The following CRTAP variants were observed in gnomAD, a reference collection of about 807,000 sequenced individuals.
CRTAP encodes the protein cartilage associated protein.
In CRTAP, 33 loss-of-function variants were observed where a neutral mutation model predicts 42.7. That is an observed-to-expected ratio of 0.77 (90% confidence interval 0.59 to 1.03). CRTAP has a LOEUF of 1.03. Ranked by LOEUF, CRTAP falls within the 50% of genes least tolerant of loss-of-function variation. The pLI is 0.00. For synonymous variants in CRTAP, 243 were observed against 217.7 expected (o/e 1.12, Z -1.02); for missense variants, 613 against 533.9 (o/e 1.15, Z -1.46).
At position 33,147,442 on chromosome 3, in the gene CRTAP, C is replaced by T. The variant is rs760019010; in HGVS notation, c.*4994C>T. 50 of 152,618 alleles carry T rather than the reference C, an allele frequency of 3.3e-4. No homozygotes were observed. The highest frequency in any genetic ancestry group is 4.7e-4 in the Non-Finnish European group (32 of 68,068). 9.5% of individuals were successfully genotyped at this position (152,618 alleles called of 1,614,324 possible). A position where few individuals can be genotyped will look rare whatever the true frequency, so the allele number is the denominator to read the frequency against. ...TGTCCCCACACAAATAGCTGGCTTT[C>T]GTTGCTTGTTGAATGAATGAGTGAG... On this transcript the variant is annotated 3_prime_UTR_variant, in exon 7 of 7. Transcript: ENST00000320954.
rs571683222 is a variant in CRTAP at position 33,120,403 on chromosome 3, T to G, written c.531T>G (p.Asp177Glu). 1 of 1,614,120 alleles carries G rather than the reference T, an allele frequency of 6.2e-7. No individual in the cohort carries two copies. Among genetic ancestry groups the G allele is most frequent in the South Asian group, 1.1e-5 (1 of 91,078 alleles). Residue 177 changes from aspartate to glutamate, a missense_variant, in exon 2 of 7, where the codon GAT becomes GAG. By Grantham distance (45) the Asp-to-Glu change is conservative. Transcript: ENST00000320954. ...ACACCTTTCTACTGAAGCATCCTGATGACGAAATGATGAAGAGGAACATGG... is the reference window on the plus strand; with the variant it reads ...ACACCTTTCTACTGAAGCATCCTGAGGACGAAATGATGAAGAGGAACATGG... ...AAHTFLLKHP[D>E]DEMMKRNMAY...
intron 4 of CRTAP, among the ~76,000 whole-genome samples, chr3:33,130,536 T>C (rs1243858055): frequency 2.3e-5 from 3 of 131,304 alleles, no homozygotes; most frequent in African/African-American, 8.5e-5. Flanking sequence ...TTTTTTTTTT[T>C]TTTTTTTTTT....
intron 3 of CRTAP, among the ~76,000 whole-genome samples, chr3:33,125,172 T>C (rs2030022572): frequency 6.6e-6 from 1 of 152,160 alleles, no homozygotes; most frequent in South Asian, 2.1e-4. Flanking sequence ...AACTGGGAAA[T>C]GGCTAAGGGA....
At chr3:33,132,446 A>G (rs1014014662) in intron 4 of CRTAP, 109 bp from the exon 5 acceptor site, 4 of 1,498,038 alleles carry the variant, frequency 2.7e-6, no homozygotes, top group Admixed American at 1.7e-5. Context: ...CTCTCTGAAG[A>G]AGGACTGTGG....
chr3:33,127,402 T>C (rs1034570369), intron 3 of CRTAP, among the ~76,000 whole-genome samples: 15 of 152,082 alleles, frequency 9.9e-5, no homozygotes, highest in African/African-American at 3.6e-4. Context: ...TATTGCTCTC[T>C]CCATATGTGC....
chr3:33,127,099 CTTTT>C (rs11302536), intron 3 of CRTAP, among the ~76,000 whole-genome samples: 3 of 135,908 alleles, frequency 2.2e-5, no homozygotes, highest in African/African-American at 5.4e-5. Context: ...AGATTTGTGG[CTTTT>C]TTTTTTTTTT....
rs773163098 is a variant in CRTAP, at chr3:33,132,586, A to C, written c.954A>C (p.Ala318=). The C allele has an allele frequency of 2.2e-5, 36 of 1,614,040 alleles. No individual in the cohort carries two copies. Among genetic ancestry groups the C allele is most frequent in the South Asian group, 2.1e-4 (19 of 91,088 alleles). ...ACCTGAAGAATGCAGCCCCCTGTGC[A>C]GTCAGCTATCTGCTCTTTGATCAGA... is the stretch of plus-strand genomic sequence containing the variant. ...LNDLKNAAPC[A]VSYLLFDQND... Residue 318 remains alanine, a synonymous_variant, in exon 5 of 7, where the codon GCA becomes GCC. Coordinates refer to ENST00000320954, the MANE Select transcript of CRTAP (RefSeq NM_006371.5).
rs1436939742 is a variant in CRTAP, at chr3:33,120,368, G to A, written c.496G>A (p.Ala166Thr). ...FKANNLPKAIAAAHTFLLKHP... is the reference protein window; with the variant it reads ...FKANNLPKAITAAHTFLLKHP... Reference sequence around the variant, plus strand: ...GGCAAATAATCTCCCCAAAGCCATCGCCGCTGCTCACACCTTTCTACTGAA... The same window carrying A: ...GGCAAATAATCTCCCCAAAGCCATCACCGCTGCTCACACCTTTCTACTGAA... The change falls in exon 2 of 7, where the codon GCC becomes ACC. Residue 166 changes from alanine (A) to threonine (T), a missense_variant. Physicochemically the swap from Ala to Thr is moderately conservative, Grantham distance 58 (BLOSUM62 0). Transcript: ENST00000320954. 12 of 1,614,000 alleles carry A rather than the reference G, an allele frequency of 7.4e-6. No individual in the cohort carries two copies. The highest frequency in any genetic ancestry group is 9.3e-6 in the Non-Finnish European group (11 of 1,180,004).
At chr3:33,122,602 G>A (rs1358919637) in intron 2 of CRTAP, among the ~76,000 whole-genome samples, 2 of 151,344 alleles carry the variant, frequency 1.3e-5, no homozygotes, top group Non-Finnish European at 2.9e-5. Flanking sequence ...CTAGCTACTC[G>A]GGAGACTGAG....
intron 3 of CRTAP, 132 bp downstream of exon 3, chr3:33,124,711 A>G (rs914314777): frequency 9.7e-7 from 1 of 1,032,696 alleles, no homozygotes; most frequent in Non-Finnish European, 1.5e-6. Context: ...TTAACGGGTA[A>G]CTGAGGGTAG....
At chr3:33,116,341 ACTAT>A (rs537480558) in intron 1 of CRTAP, among the ~76,000 whole-genome samples, 1 of 152,296 alleles carries the variant, frequency 6.6e-6, no homozygotes, top group South Asian at 2.1e-4. Context: ...TCAGTAAAAT[ACTAT>A]CTATCTATCT....
At chr3:33,127,088 G>C (rs2030093158) in intron 3 of CRTAP, among the ~76,000 whole-genome samples, 1 of 136,868 alleles carries the variant, frequency 7.3e-6, no homozygotes, top group South Asian at 2.4e-4. Flanking sequence ...AATTATGAGA[G>C]AGATTTGTGG....
At chr3:33,133,409 C>T (rs947403183) in intron 5 of CRTAP, among the ~76,000 whole-genome samples, 6 of 151,952 alleles carry the variant, frequency 3.9e-5, no homozygotes, top group African/African-American at 1.5e-4. Context: ...CAGGCGTGCA[C>T]CAACATATCA....
In CRTAP at chr3:33,145,730, C is replaced by CA. The variant is rs1212581569; in HGVS notation, c.*3283dup. On this transcript the variant is annotated 3_prime_UTR_variant, in exon 7 of 7. Coordinates refer to ENST00000320954, the MANE Select transcript of CRTAP (RefSeq NM_006371.5). This position sits in a 1 kb window ranked among gnomAD's most constrained non-coding sequence, Gnocchi z 4.3. Reference sequence around the variant, plus strand: ...CCAGGCAGGGTTGGGTGTTGTGACTCACTCCACCTCTGTGCCCTGCAGAGG... The same window carrying CA: ...CCAGGCAGGGTTGGGTGTTGTGACTCAACTCCACCTCTGTGCCCTGCAGAGG... 2.0e-5 allele frequency: 3 copies of CA among 152,294 alleles called. No homozygotes were observed. The highest frequency in any genetic ancestry group is 2.9e-5 in the Non-Finnish European group (2 of 68,130). 9.4% of individuals were successfully genotyped at this position (152,294 alleles called of 1,614,324 possible).
At chr3:33,142,311 C>A in intron 6 of CRTAP, 84 bp from the exon 7 acceptor site, 1 of 1,264,042 alleles carries the variant, frequency 7.9e-7, no homozygotes, top group Non-Finnish European at 1.2e-6. Flanking sequence ...GTGGTGATGG[C>A]CTCTCGGGAT....
At chr3:33,125,000 C>T (rs1400746713) in intron 3 of CRTAP, among the ~76,000 whole-genome samples, 2 of 152,116 alleles carry the variant, frequency 1.3e-5, no homozygotes, top group Non-Finnish European at 2.9e-5. Flanking sequence ...ATTTTCTTTT[C>T]TGATTATAAA....
intron 6 of CRTAP, among the ~76,000 whole-genome samples, chr3:33,137,262 T>C (rs9858786): frequency 0.85 from 128,884 of 152,140 alleles, 54,707 homozygotes; most frequent in East Asian, 0.96. Context: ...GCCTCAGCCA[T>C]CCTAGTAGCT....
At chr3:33,142,316 C>A in intron 6 of CRTAP, 79 bp from the exon 7 acceptor site, 2 of 1,334,762 alleles carry the variant, frequency 1.5e-6, no homozygotes, top group South Asian at 1.2e-5. Flanking sequence ...GATGGCCTCT[C>A]GGGATACTGT....
rs1393973409 is a variant in CRTAP at position 33,142,424 on chromosome 3, C to G, written c.1182C>G (p.Leu394=). The change falls in exon 7 of 7, where the codon CTC becomes CTG. Residue 394 remains leucine, a synonymous_variant. Coordinates refer to ENST00000320954, the MANE Select transcript of CRTAP (RefSeq NM_006371.5). ...EGEVVEYVDD[L]LELEETS ...AAGTTGTGGAATATGTGGATGACCT[C>G]TTGGAACTGGAGGAGACCAGCTAGC... 5 of 1,614,054 alleles carry G rather than the reference C, an allele frequency of 3.1e-6. No homozygotes were observed. In the African/African-American group the frequency reaches 6.7e-5, roughly 22 times the overall value.
Sources: gnomAD v4.1 joint callset for allele counts (sites outside exome capture counted in the v4.1 genomes callset) on GRCh38, gnomAD v4.1.1 for gene constraint, Gnocchi (gnomAD v3.1) non-coding constraint, MANE v1.5 for transcripts, NCBI Gene and HGNC (gene_info 2026-07-23, HGNC 2026-07-21) for gene names.